Variants in ACYP2 observed in about 807,000 individuals in gnomAD.
The protein encoded by ACYP2 is acylphosphatase 2, also known as acylphosphatase-2.
In ACYP2, 12 loss-of-function variants were observed where a neutral mutation model predicts 11.2. The ratio of observed to expected loss-of-function variants is 1.08; its 90% CI spans 0.69 to 1.74. ACYP2 has a LOEUF of 1.74. Among genes scored for constraint, ACYP2 ranks in the 40% most tolerant of loss-of-function variants. The pLI is 0.00. For missense variants in ACYP2, 134 were observed against 101.9 expected, an observed-to-expected ratio of 1.31 and a Z score of -1.35; for synonymous variants, 43 against 32.2, an observed-to-expected ratio of 1.33 and a Z score of -1.13.
intron 6 of ACYP2, among the ~76,000 whole-genome samples, chr2:54,196,419 T>C (rs1161268272): frequency 6.6e-6 from 1 of 152,206 alleles, no homozygotes; most frequent in Admixed American, 6.6e-5. Flanking sequence ...AAATGAGCCA[T>C]GGATGTGTGC....
chr2:54,027,837 C>CTTTTTTTTTTTTTTT (rs34122179), intron 2 of ACYP2, among the ~76,000 whole-genome samples: 2 of 97,892 alleles, frequency 2.0e-5, no homozygotes, highest in Non-Finnish European at 3.9e-5. Context: ...TTCTTTCTTT[C>CTTTTTTTTTTTTTTT]TTTTTTTTTT....
At chr2:54,037,433 C>T (rs182810899) in intron 2 of ACYP2, among the ~76,000 whole-genome samples, 25 of 152,134 alleles carry the variant, frequency 1.6e-4, no homozygotes, top group Admixed American at 3.9e-4. Flanking sequence ...TTTTTTGAGA[C>T]AGAGTCTTGC....
chr2:54,015,471 G>T (rs190320189), intron 2 of ACYP2, among the ~76,000 whole-genome samples: 7 of 150,794 alleles, frequency 4.6e-5, no homozygotes, highest in African/African-American at 1.7e-4. Context: ...TTGTGCCATT[G>T]TTCTCCAGGG....
At chr2:54,115,095 G>A (rs1203441932) in intron 4 of ACYP2, among the ~76,000 whole-genome samples, 1 of 152,146 alleles carries the variant, frequency 6.6e-6, no homozygotes, top group Non-Finnish European at 1.5e-5. Context: ...CAGTTAGTGT[G>A]AATAATAAGT....
intron 5 of ACYP2, among the ~76,000 whole-genome samples, chr2:54,136,833 GGGCAT>G (rs1458689625): frequency 6.6e-6 from 1 of 152,108 alleles, no homozygotes; most frequent in African/African-American, 2.4e-5. Flanking sequence ...AAAATTAGCT[GGGCAT>G]GGTGGCAGAT....
intron 6 of ACYP2, among the ~76,000 whole-genome samples, chr2:54,265,922 A>G (rs978295695): frequency 6.6e-6 from 1 of 152,242 alleles, no homozygotes; most frequent in Non-Finnish European, 1.5e-5. Flanking sequence ...TCTAGGACTC[A>G]GCATCCTGAA....
chr2:54,227,758 G>A, intron 6 of ACYP2, among the ~76,000 whole-genome samples: 1 of 152,162 alleles, frequency 6.6e-6, no homozygotes, highest in Non-Finnish European at 1.5e-5. Flanking sequence ...AAAGTAAGTT[G>A]TGATATTTTA....
intron 6 of ACYP2, among the ~76,000 whole-genome samples, chr2:54,243,188 C>T (rs1686804573): frequency 6.6e-6 from 1 of 151,998 alleles, no homozygotes; most frequent in African/African-American, 2.4e-5. Context: ...ACGCGTTTAA[C>T]ACTGGGGATA....
At chr2:54,246,966 G>T (rs1162995964) in intron 6 of ACYP2, among the ~76,000 whole-genome samples, 1 of 152,150 alleles carries the variant, frequency 6.6e-6, no homozygotes, top group Non-Finnish European at 1.5e-5. Context: ...TAAAAGGAAA[G>T]ACACTTAAGA....
chr2:54,298,173 A>G (rs532910630), intron 6 of ACYP2, among the ~76,000 whole-genome samples: 7 of 152,350 alleles, frequency 4.6e-5, no homozygotes, highest in Non-Finnish European at 7.3e-5. Context: ...TGCCAAATAG[A>G]ATGCCTATAA....
chr2:54,221,942 G>A (rs1388331237), intron 6 of ACYP2, among the ~76,000 whole-genome samples: 1 of 152,118 alleles, frequency 6.6e-6, no homozygotes. Flanking sequence ...AGGAACCATG[G>A]CTGGCATTTG....
chr2:54,193,048 T>C (rs564826735), intron 6 of ACYP2, among the ~76,000 whole-genome samples: 43 of 152,244 alleles, frequency 2.8e-4, no homozygotes, highest in African/African-American at 9.9e-4. Flanking sequence ...CCTATGAAAA[T>C]ATTGCAAATG....
intron 2 of ACYP2, among the ~76,000 whole-genome samples, chr2:54,000,092 G>C (rs931651408): frequency 6.6e-6 from 1 of 151,510 alleles, no homozygotes; most frequent in Non-Finnish European, 1.5e-5. Context: ...CAATATAATA[G>C]AAATTTCTAT....
At chr2:54,253,575 C>T (rs948279831) in intron 6 of ACYP2, 6 of 152,214 alleles carry the variant, frequency 3.9e-5, no homozygotes, top group African/African-American at 9.7e-5. Context: ...TATTCTTCTA[C>T]GTGCATACTA....
Position 54,115,609 on chromosome 2 carries a change from AG to A in ACYP2, c.278-19843del. 6.4e-6 allele frequency: 10 copies of A among 1,556,220 alleles called. No individual in the cohort carries two copies. Among genetic ancestry groups the A allele is most frequent in the Non-Finnish European group, 8.7e-6 (10 of 1,150,252 alleles). Reference sequence around the variant, plus strand: ...GTGACAGGCGCGGGGTGCGCCAAGCAGTCCCATGTGTCCCCTCCCTCTCGCA... The same window carrying A: ...GTGACAGGCGCGGGGTGCGCCAAGCATCCCATGTGTCCCCTCCCTCTCGCA... On this transcript the variant is annotated intron_variant, in intron 4 of 6. Transcript: ENST00000607452.
At chr2:54,071,453 A>G (rs527538024) in intron 4 of ACYP2, among the ~76,000 whole-genome samples, 2 of 152,046 alleles carry the variant, frequency 1.3e-5, no homozygotes, top group African/African-American at 4.8e-5. Context: ...TACAAGATCA[A>G]TTGTGTTTTT....
intron 4 of ACYP2, among the ~76,000 whole-genome samples, chr2:54,114,230 T>C (rs1033403156): frequency 6.6e-5 from 10 of 152,214 alleles, no homozygotes; most frequent in African/African-American, 2.4e-4. Flanking sequence ...TTTGGAATTC[T>C]AGAAGGTGGC....
intron 6 of ACYP2, among the ~76,000 whole-genome samples, chr2:54,164,352 T>C: frequency 6.6e-6 from 1 of 152,278 alleles, no homozygotes; most frequent in South Asian, 2.1e-4. Flanking sequence ...TAGTCCCTTG[T>C]GCACCAAGGA....
intron 4 of ACYP2, among the ~76,000 whole-genome samples, chr2:54,090,331 C>G (rs1678159487): frequency 6.6e-6 from 1 of 151,906 alleles, no homozygotes; most frequent in East Asian, 1.9e-4. Flanking sequence ...TACTTGGCAT[C>G]CTCAAAAAAG....
Sources: allele counts gnomAD v4.1 joint callset (sites outside exome capture counted in the v4.1 genomes callset), GRCh38; gene constraint gnomAD v4.1.1; transcripts MANE v1.5; gene names NCBI Gene and HGNC (gene_info 2026-07-23, HGNC 2026-07-21).